Variants in AFG2A observed in about 807,000 individuals in gnomAD.
AFG2A encodes the protein AAA ATPase AFG2A, also known as ATPase family gene 2 protein homolog A.
the AFG2A span, among the ~76,000 whole-genome samples, chr4:123,066,356 A>T: frequency 1.3e-5 from 2 of 152,180 alleles, no homozygotes; most frequent in Non-Finnish European, 2.9e-5. Flanking sequence ...TAAATTTTTT[A>T]ATGTGATTTT....
At chr4:122,972,668 T>C in the AFG2A span, among the ~76,000 whole-genome samples, 1 of 151,974 alleles carries the variant, frequency 6.6e-6, no homozygotes, top group Non-Finnish European at 1.5e-5. Flanking sequence ...TCATTGTGAT[T>C]TTTTTTGAGC....
the AFG2A span, among the ~76,000 whole-genome samples, chr4:123,188,033 A>G: frequency 6.6e-6 from 1 of 151,606 alleles, no homozygotes; most frequent in East Asian, 1.9e-4. Context: ...TAGTCTTTTA[A>G]TGTTATATTT....
chr4:123,190,607 T>C, the AFG2A span, among the ~76,000 whole-genome samples: 1 of 152,092 alleles, frequency 6.6e-6, no homozygotes, highest in African/African-American at 2.4e-5. Flanking sequence ...CTCTAATAGA[T>C]TAATGGACAG....
chr4:123,075,552 G>A, the AFG2A span, among the ~76,000 whole-genome samples: 5 of 151,900 alleles, frequency 3.3e-5, no homozygotes, highest in South Asian at 2.1e-4. Flanking sequence ...CACCTGCTTC[G>A]GCCTCGCAGA....
chr4:123,095,081 G>A, the AFG2A span, among the ~76,000 whole-genome samples: 5 of 48,394 alleles, frequency 1.0e-4, no homozygotes, highest in East Asian at 1.7e-3. Flanking sequence ...GTGTGTGTGT[G>A]TATATATATA....
At chr4:123,224,283 C>T in the AFG2A span, among the ~76,000 whole-genome samples, 1 of 152,004 alleles carries the variant, frequency 6.6e-6, no homozygotes, top group South Asian at 2.1e-4. Context: ...CATATGTATA[C>T]ATGTGCCATG....
the AFG2A span, among the ~76,000 whole-genome samples, chr4:123,258,590 G>A: frequency 6.6e-6 from 1 of 151,968 alleles, no homozygotes. Context: ...GTGTCTCTTT[G>A]GCCACTTTGG....
chr4:122,928,180 C>G, the AFG2A span, among the ~76,000 whole-genome samples: 4 of 152,164 alleles, frequency 2.6e-5, no homozygotes, highest in African/African-American at 9.7e-5. Flanking sequence ...GTATTTCTCC[C>G]TGTCAGTTAG....
At chr4:122,972,449 TTTC>T in the AFG2A span, among the ~76,000 whole-genome samples, 1 of 151,864 alleles carries the variant, frequency 6.6e-6, no homozygotes, top group African/African-American at 2.4e-5. Context: ...GTGCATTTGT[TTTC>T]TTCATTATTT....
the AFG2A span, among the ~76,000 whole-genome samples, chr4:123,220,927 A>G: frequency 3.9e-5 from 6 of 152,302 alleles, no homozygotes; most frequent in African/African-American, 1.2e-4. Context: ...AATTTGATAC[A>G]TGAACGACAT....
the AFG2A span, among the ~76,000 whole-genome samples, chr4:123,027,338 T>G: frequency 9.2e-5 from 14 of 152,178 alleles, no homozygotes; most frequent in African/African-American, 3.1e-4. Flanking sequence ...CTCAAATATT[T>G]TTTCTCTTTT....
chr4:123,072,259 T>C, the AFG2A span, among the ~76,000 whole-genome samples: 3 of 152,150 alleles, frequency 2.0e-5, no homozygotes, highest in Admixed American at 1.3e-4. Flanking sequence ...ACAGAGCAAC[T>C]TACACATGTG....
At chr4:123,053,182 C>A in the AFG2A span, among the ~76,000 whole-genome samples, 12 of 152,206 alleles carry the variant, frequency 7.9e-5, no homozygotes, top group Non-Finnish European at 1.2e-4. Context: ...ATTTTGCATC[C>A]TTCAGTCCAA....
chr4:122,938,008 T>C, the AFG2A span: 1 of 1,019,262 alleles, frequency 9.8e-7, no homozygotes. Context: ...ATAATATCTT[T>C]ATAATATTAA....
chr4:123,240,816 A>G, the AFG2A span, among the ~76,000 whole-genome samples: 3 of 152,184 alleles, frequency 2.0e-5, no homozygotes, highest in Admixed American at 2.0e-4. Context: ...CACACAAAAA[A>G]CCCTTCAAAA....
chr4:123,258,223 G>A, the AFG2A span, among the ~76,000 whole-genome samples: 2 of 152,164 alleles, frequency 1.3e-5, no homozygotes, highest in Non-Finnish European at 2.9e-5. Flanking sequence ...TTTAGATGAG[G>A]CAGGTTTGTT....
chr4:123,113,569 G>C, the AFG2A span, among the ~76,000 whole-genome samples: 1 of 152,156 alleles, frequency 6.6e-6, no homozygotes, highest in Non-Finnish European at 1.5e-5. Flanking sequence ...GAGTGATTGT[G>C]CTGATTAATC....
the AFG2A span, among the ~76,000 whole-genome samples, chr4:123,152,684 T>C: frequency 2.8e-4 from 42 of 152,342 alleles, no homozygotes; most frequent in African/African-American, 9.9e-4. Context: ...TACAGCCACT[T>C]TGGAAGACAG....
the AFG2A span, among the ~76,000 whole-genome samples, chr4:123,011,066 A>T: frequency 7.2e-5 from 11 of 152,316 alleles, no homozygotes; most frequent in African/African-American, 2.6e-4. Flanking sequence ...TTGCCTTCAA[A>T]CCAAAACATC....
Sources: allele counts gnomAD v4.1 joint callset (sites outside exome capture counted in the v4.1 genomes callset), GRCh38; gene constraint gnomAD v4.1.1; transcripts MANE v1.5; gene names NCBI Gene and HGNC (gene_info 2026-07-23, HGNC 2026-07-21).